The following BST1 variants were observed in gnomAD, a reference collection of about 807,000 sequenced individuals.
BST1 encodes ADP-ribosyl cyclase/cyclic ADP-ribose hydrolase 2.
BST1 carries 49 observed loss-of-function variants against 40.6 expected under a neutral mutation model. The ratio of observed to expected loss-of-function variants is 1.21; its 90% CI spans 0.96 to 1.53. The LOEUF (loss-of-function observed/expected upper bound fraction) is 1.53. BST1 is among the 40% of genes most tolerant of loss of function. The pLI is 0.00. For missense variants in BST1, 423 were observed against 395.9 expected (o/e 1.07, Z -0.58); for synonymous variants, 157 against 159.3 (o/e 0.99, Z 0.11).
chr4:15,772,893 G>T, the BST1 span, among the ~76,000 whole-genome samples: 1 of 152,214 alleles, frequency 6.6e-6, no homozygotes, highest in African/African-American at 2.4e-5. Flanking sequence ...TGGGGACAGA[G>T]GTGCGCACGC....
the BST1 span, among the ~76,000 whole-genome samples, chr4:15,771,222 C>T: frequency 6.6e-6 from 1 of 152,130 alleles, no homozygotes; most frequent in African/African-American, 2.4e-5. Flanking sequence ...ACCAATTAAT[C>T]CGCACTTCAA....
downstream of BST1, among the ~76,000 whole-genome samples, chr4:15,735,478 C>T (rs11724635): frequency 6.6e-6 from 1 of 152,038 alleles, no homozygotes. Flanking sequence ...ACAAGGGAAG[C>T]TTAATAACAA....
At chr4:15,710,350 G>T (rs566207004) in intron 3 of BST1, among the ~76,000 whole-genome samples, 1 of 151,908 alleles carries the variant, frequency 6.6e-6, no homozygotes, top group African/African-American at 2.4e-5. Flanking sequence ...ACAATGTGAT[G>T]TTTTATACAT....
At chr4:15,704,076 T>C (rs1719734452) in intron 1 of BST1, among the ~76,000 whole-genome samples, 1 of 146,238 alleles carries the variant, frequency 6.8e-6, no homozygotes, top group South Asian at 2.2e-4. Flanking sequence ...GTGAGGGGTG[T>C]GTGTGTGTAG....
downstream of BST1, among the ~76,000 whole-genome samples, chr4:15,737,425 G>T (rs1005771624): frequency 2.0e-5 from 3 of 152,132 alleles, no homozygotes; most frequent in Admixed American, 6.5e-5. Context: ...CTTGGCCAAG[G>T]TCACCTCTCT....
At chr4:15,717,084 T>A (rs1037630775) in intron 6 of BST1, among the ~76,000 whole-genome samples, 16 of 152,144 alleles carry the variant, frequency 1.1e-4, no homozygotes, top group African/African-American at 3.9e-4. Flanking sequence ...CCGTCCTTTA[T>A]AGTTATTTTA....
At chr4:15,729,948 T>C (rs1217142531) in intron 8 of BST1, among the ~76,000 whole-genome samples, 1 of 152,240 alleles carries the variant, frequency 6.6e-6, no homozygotes, top group Non-Finnish European at 1.5e-5. Flanking sequence ...TCATTATTAG[T>C]GTATCTAATT....
the BST1 span, among the ~76,000 whole-genome samples, chr4:15,744,447 G>C: frequency 6.6e-6 from 1 of 152,126 alleles, no homozygotes; most frequent in Non-Finnish European, 1.5e-5. Flanking sequence ...GATCTTGTGA[G>C]AACTCACTCA....
chr4:15,756,480 G>A, the BST1 span, among the ~76,000 whole-genome samples: 3 of 152,226 alleles, frequency 2.0e-5, no homozygotes, highest in African/African-American at 7.2e-5. Flanking sequence ...GCCAGACTCA[G>A]GAAGTGACAC....
At chr4:15,727,572 T>C (rs899407363) in intron 8 of BST1, among the ~76,000 whole-genome samples, 3 of 152,232 alleles carry the variant, frequency 2.0e-5, no homozygotes, top group Non-Finnish European at 2.9e-5. Flanking sequence ...AAGGTGTCAT[T>C]TTCACCTAAA....
the BST1 span, among the ~76,000 whole-genome samples, chr4:15,747,828 C>T: frequency 2.0e-5 from 3 of 152,112 alleles, no homozygotes; most frequent in Non-Finnish European, 2.9e-5. Flanking sequence ...AGTCACCATG[C>T]CCAGCTAATA....
chr4:15,752,469 A>T, the BST1 span, among the ~76,000 whole-genome samples: 7 of 150,904 alleles, frequency 4.6e-5, no homozygotes, highest in African/African-American at 1.7e-4. Context: ...GCTCACTGCA[A>T]CCCCCGCCTC....
chr4:15,705,021 A>G (rs1719799821), intron 1 of BST1: 1 of 734,326 alleles, frequency 1.4e-6, no homozygotes, highest in Non-Finnish European at 2.5e-6. Context: ...ACTAGCATGG[A>G]CCTCAAGAGG....
the BST1 span, among the ~76,000 whole-genome samples, chr4:15,761,553 TAAAATATGAGAAAATAATTTATGAATGAG>T: frequency 3.0e-4 from 45 of 152,014 alleles, 1 homozygote. Flanking sequence ...GCTTAAAACA[TAAAATATGAGAAAATAATTTATGAATGAG>T]AATCTGGATG....
rs1042044353 is a variant in BST1 at position 15,707,728 on chromosome 4, G to C, written c.451+82G>C. The C allele has an allele frequency of 9.8e-6, 15 of 1,524,986 alleles. No homozygotes were observed. In the Admixed American group the frequency reaches 2.4e-4, roughly 24 times the overall value. 94.5% of individuals were successfully genotyped at this position (1,524,986 alleles called of 1,614,324 possible). A position where few individuals can be genotyped will look rare whatever the true frequency, so the allele number is the denominator to read the frequency against. On this transcript the variant is annotated intron_variant, in intron 3 of 8. Transcript: ENST00000265016. ...CCATTTGTGCTAAATGCTTTCATAT[G>C]CATTTATTTCACTTGATCCTCTCCA...
Position 15,707,733 on chromosome 4 carries a change from T to C in BST1, c.451+87T>C, listed in dbSNP as rs908997965. ...TGTGCTAAATGCTTTCATATGCATT[T>C]ATTTCACTTGATCCTCTCCAAGTCC... On this transcript the variant is annotated intron_variant, in intron 3 of 8. Coordinates refer to ENST00000265016, the MANE Select transcript of BST1 (RefSeq NM_004334.3). 6.6e-5 allele frequency: 99 copies of C among 1,503,638 alleles called. 3 individuals carry two copies. The highest frequency in any genetic ancestry group is 1.8e-4 in the Middle Eastern group (1 of 5,680). The allele number at this position is 1,503,638 out of a possible 1,614,324, so 93.1% of individuals were successfully genotyped here. A position where few individuals can be genotyped will look rare whatever the true frequency, so the allele number is the denominator to read the frequency against.
At chr4:15,723,145 C>T (rs1482763057) in intron 8 of BST1, among the ~76,000 whole-genome samples, 3 of 152,220 alleles carry the variant, frequency 2.0e-5, no homozygotes. Flanking sequence ...TGTGAGCTTT[C>T]TTCACTTGCT....
the BST1 span, among the ~76,000 whole-genome samples, chr4:15,763,549 T>A: frequency 6.6e-6 from 1 of 151,978 alleles, no homozygotes; most frequent in Non-Finnish European, 1.5e-5. Context: ...GGAATGTCTT[T>A]CTGAAATATA....
At chr4:15,721,651 T>G (rs1577585475) in intron 7 of BST1, among the ~76,000 whole-genome samples, 1 of 76,162 alleles carries the variant, frequency 1.3e-5, no homozygotes, top group African/African-American at 5.3e-5. Flanking sequence ...CACTGGGGCC[T>G]GTCGTGGGGT....
Sources: gnomAD v4.1 joint callset for allele counts (sites outside exome capture counted in the v4.1 genomes callset) on GRCh38, gnomAD v4.1.1 for gene constraint, MANE v1.5 for transcripts, NCBI Gene and HGNC (gene_info 2026-07-23, HGNC 2026-07-21) for gene names.